CD247: variants seen among roughly 807,000 people sequenced by gnomAD.
The protein encoded by CD247 is T-cell surface glycoprotein CD3 zeta chain.
A neutral mutation model predicts 30.0 loss-of-function variants in CD247; 13 were observed. The ratio of observed to expected loss-of-function variants is 0.43; its 90% CI spans 0.28 to 0.69. The LOEUF (loss-of-function observed/expected upper bound fraction) is 0.69, where lower values mean the gene tolerates loss of function less well. Ranked by LOEUF, CD247 falls within the 30% of genes least tolerant of loss-of-function variation. The probability of loss-of-function intolerance (pLI) is 0.16; values close to 1 mark genes in which losing one functional copy is unlikely to be tolerated. For synonymous variants in CD247, 72 were observed against 80.0 expected, an observed-to-expected ratio of 0.90 and a Z score of 0.53; for missense variants, 193 against 212.6, an observed-to-expected ratio of 0.91 and a Z score of 0.57.
intron 1 of CD247, among the ~76,000 whole-genome samples, chr1:167,458,915 G>A (rs1303315074): frequency 6.6e-6 from 1 of 151,166 alleles, no homozygotes; most frequent in African/African-American, 2.4e-5. Context: ...TTGAGGCCAG[G>A]AGTTCGAGAC....
intron 1 of CD247, among the ~76,000 whole-genome samples, chr1:167,472,849 G>T (rs1653586776): frequency 6.6e-6 from 1 of 152,164 alleles, no homozygotes; most frequent in Non-Finnish European, 1.5e-5. Context: ...TCGGCTTGGT[G>T]TCCTCATGGC....
chr1:167,504,850 T>G (rs1404442922), intron 1 of CD247, among the ~76,000 whole-genome samples: 1 of 152,244 alleles, frequency 6.6e-6, no homozygotes, highest in Non-Finnish European at 1.5e-5. Context: ...TTTTGGGATC[T>G]CATCCGTTGG....
At chr1:167,440,878 C>A (rs1476828353) in intron 1 of CD247, 111 bp from the exon 2 acceptor site, 4 of 722,684 alleles carry the variant, frequency 5.5e-6, no homozygotes, top group African/African-American at 1.7e-5. Context: ...GACACGGAGA[C>A]TATATCCAAT....
chr1:167,448,562 A>T lies in CD247; in HGVS notation c.59-7795T>A, dbSNP rs549121750. The T allele has an allele frequency of 1.3e-4, 128 of 982,988 alleles. No homozygotes were observed. In the South Asian group the frequency reaches 3.3e-3, roughly 25 times the overall value. The allele number at this position is 982,988 out of a possible 1,614,324, so 60.9% of individuals were successfully genotyped here. On this transcript the variant is annotated intron_variant, in intron 1 of 7. Coordinates refer to ENST00000362089, the MANE Select transcript of CD247 (RefSeq NM_198053.3). ...ACTCACACTGCCCAGTGCTTATAGC[A>T]ATGACCCACTGGAGATACCTCAATC...
intron 1 of CD247, among the ~76,000 whole-genome samples, chr1:167,499,602 G>A (rs1654824182): frequency 6.6e-6 from 1 of 152,132 alleles, no homozygotes; most frequent in Admixed American, 6.5e-5. Flanking sequence ...CCTCTAAGAG[G>A]AAAACAAACA....
rs531700707 is a variant in CD247 at position 167,516,277 on chromosome 1, CA to C, written c.58+2130del. ...TCTGCAGGCACAAGTGTGCCCATGCCACTAGGCACGCCATCTTAGGATCTTC... is the reference window on the plus strand; with the variant it reads ...TCTGCAGGCACAAGTGTGCCCATGCCCTAGGCACGCCATCTTAGGATCTTC... On this transcript the variant is annotated intron_variant, in intron 1 of 7. Transcript: ENST00000362089. 5.8e-3 allele frequency among the ~76,000 whole-genome samples: 879 copies of C among 152,380 alleles called. 6 individuals carry two copies. Among genetic ancestry groups the C allele is most frequent in the Non-Finnish European group, 9.2e-3 (628 of 68,038 alleles).
At chr1:167,493,343 AG>A (rs1654536918) in intron 1 of CD247, among the ~76,000 whole-genome samples, 1 of 152,132 alleles carries the variant, frequency 6.6e-6, no homozygotes, top group Non-Finnish European at 1.5e-5. Context: ...GCACCTGGCC[AG>A]TTTTTCTCCT....
At chr1:167,495,342 G>A (rs573606747) in intron 1 of CD247, among the ~76,000 whole-genome samples, 3 of 152,326 alleles carry the variant, frequency 2.0e-5, no homozygotes, top group South Asian at 2.1e-4. Flanking sequence ...TCACCCCAGA[G>A]CTTGGGACTG....
intron 1 of CD247, among the ~76,000 whole-genome samples, chr1:167,499,551 T>C (rs774401365): frequency 6.6e-6 from 1 of 152,246 alleles, no homozygotes; most frequent in Non-Finnish European, 1.5e-5. Flanking sequence ...TGGAATTTAC[T>C]TAGCCTTTCT....
chr1:167,474,816 G>C lies in CD247; in HGVS notation c.59-34049C>G, dbSNP rs192293928. On this transcript the variant is annotated intron_variant, in intron 1 of 7. Transcript: ENST00000362089. ...TCCCCAGGCTGGAGTGCAGTGGTAC[G>C]ATCTCCACTCACTGCAACCTCTGCC... Among the ~76,000 whole-genome samples, 705 of 144,532 alleles carry C rather than the reference G, an allele frequency of 4.9e-3. 3 individuals carry two copies. The highest frequency in any genetic ancestry group is 7.3e-3 in the Non-Finnish European group (486 of 66,944). 94.8% of individuals were successfully genotyped at this position (144,532 alleles called of 152,430 possible).
intron 1 of CD247, among the ~76,000 whole-genome samples, chr1:167,478,098 G>A (rs953362324): frequency 2.6e-5 from 4 of 152,220 alleles, no homozygotes; most frequent in African/African-American, 4.8e-5. Context: ...AAGGCCAGAC[G>A]AGCCAGACCA....
intron 1 of CD247, among the ~76,000 whole-genome samples, chr1:167,477,541 G>A (rs577910626): frequency 2.1e-4 from 32 of 152,082 alleles, no homozygotes; most frequent in Admixed American, 8.5e-4. Context: ...TTGAGACAGG[G>A]TCTTACTCTG....
chr1:167,515,914 C>G (rs1176922898), intron 1 of CD247, among the ~76,000 whole-genome samples: 9 of 152,210 alleles, frequency 5.9e-5, no homozygotes, highest in Admixed American at 5.9e-4. Flanking sequence ...GTATTGGACA[C>G]ATTACATTAC....
At chr1:167,505,763 G>A (rs1655088264) in intron 1 of CD247, among the ~76,000 whole-genome samples, 1 of 152,252 alleles carries the variant, frequency 6.6e-6, no homozygotes, top group Admixed American at 6.5e-5. Flanking sequence ...TTTCCTCACT[G>A]TGGGGATGAT....
intron 4 of CD247, among the ~76,000 whole-genome samples, chr1:167,436,914 A>G (rs1651570695): frequency 6.6e-6 from 1 of 152,216 alleles, no homozygotes. Flanking sequence ...GGAAAACAGT[A>G]TTGAGGCTCC....
intron 4 of CD247, among the ~76,000 whole-genome samples, chr1:167,438,255 C>T (rs2101992317): frequency 6.6e-6 from 1 of 152,342 alleles, no homozygotes; most frequent in South Asian, 2.1e-4. Flanking sequence ...CAGGTCTGTC[C>T]TCTTGGGGCA....
chr1:167,469,339 G>A (rs1157594749), intron 1 of CD247, among the ~76,000 whole-genome samples: 1 of 152,110 alleles, frequency 6.6e-6, no homozygotes, highest in Admixed American at 6.5e-5. Flanking sequence ...CCAAACCATG[G>A]GCCCACAGAG....
intron 1 of CD247, among the ~76,000 whole-genome samples, chr1:167,464,511 G>C (rs1233434543): frequency 1.3e-5 from 2 of 152,152 alleles, no homozygotes; most frequent in Non-Finnish European, 2.9e-5. Flanking sequence ...AACTCCATGG[G>C]GAGAAGCTTC....
At chr1:167,465,028 T>C (rs1406482759) in intron 1 of CD247, among the ~76,000 whole-genome samples, 1 of 152,242 alleles carries the variant, frequency 6.6e-6, no homozygotes, top group Non-Finnish European at 1.5e-5. Flanking sequence ...ATTTCCTTTT[T>C]ATTGGTTTCA....
Sources: gnomAD v4.1 joint callset for allele counts (sites outside exome capture counted in the v4.1 genomes callset) on GRCh38, gnomAD v4.1.1 for gene constraint, MANE v1.5 for transcripts, NCBI Gene and HGNC (gene_info 2026-07-23, HGNC 2026-07-21) for gene names.